RAB3GAP2: variants seen among roughly 807,000 people sequenced by gnomAD.
The protein encoded by RAB3GAP2 is RAB3 GTPase activating non-catalytic protein subunit 2.
RAB3GAP2 carries 87 observed loss-of-function variants against 185.3 expected under a neutral mutation model. The observed-to-expected ratio is 0.47, with a 90% CI of 0.39 to 0.56. RAB3GAP2 has a LOEUF of 0.56. RAB3GAP2 is among the 20% of genes least tolerant of loss of function. The pLI, the probability that RAB3GAP2 is intolerant of heterozygous loss-of-function variation, is 0.00. For missense variants in RAB3GAP2, 1,492 were observed against 1,638.2 expected, an observed-to-expected ratio of 0.91 and a Z score of 1.54; for synonymous variants, 554 against 576.1, an observed-to-expected ratio of 0.96 and a Z score of 0.55.
chr1:220,191,235 A>G lies in RAB3GAP2; in HGVS notation c.1320T>C (p.His440=). 1 of 1,613,580 alleles carries G rather than the reference A, an allele frequency of 6.2e-7. No homozygotes were observed. The highest frequency in any genetic ancestry group is 1.7e-5 in the Admixed American group (1 of 59,944). ...AATCTGCCTTTTCTGGCACTCTTTCATGGAGGTCCTCTACAGTTTGAATCC... is the reference window on the plus strand; with the variant it reads ...AATCTGCCTTTTCTGGCACTCTTTCGTGGAGGTCCTCTACAGTTTGAATCC... ...IGWIQTVEDL[H]ERVPEKADFS... The change falls in exon 14 of 35, where the codon CAT becomes CAC. Residue 440 remains histidine, a synonymous_variant. Coordinates refer to ENST00000358951, the MANE Select transcript of RAB3GAP2 (RefSeq NM_012414.4).
At chr1:220,263,784 T>C (rs569783579) in intron 1 of RAB3GAP2, among the ~76,000 whole-genome samples, 11 of 152,218 alleles carry the variant, frequency 7.2e-5, no homozygotes, top group African/African-American at 2.6e-4. Context: ...ATATCTCATT[T>C]TTCTTATGTA....
intron 1 of RAB3GAP2, among the ~76,000 whole-genome samples, chr1:220,248,861 C>T (rs936881055): frequency 6.6e-6 from 1 of 152,100 alleles, no homozygotes; most frequent in African/African-American, 2.4e-5. Context: ...GGGCTTTCCC[C>T]CACTTTGCTC....
chr1:220,200,535 A>G (rs929036357), intron 9 of RAB3GAP2: 10 of 525,496 alleles, frequency 1.9e-5, no homozygotes, highest in Admixed American at 1.8e-4. Context: ...CGTTTATTGT[A>G]CCTTTTTTCA....
intron 1 of RAB3GAP2, among the ~76,000 whole-genome samples, chr1:220,264,986 T>C (rs1490380517): frequency 6.6e-6 from 1 of 152,152 alleles, no homozygotes; most frequent in Non-Finnish European, 1.5e-5. Flanking sequence ...CAATAAATAC[T>C]ACCTGAATGA....
At chr1:220,159,530 A>G (rs751355966) in intron 28 of RAB3GAP2, 109 bp from the exon 29 acceptor site, 75 of 817,858 alleles carry the variant, frequency 9.2e-5, no homozygotes, top group Non-Finnish European at 1.5e-4. Flanking sequence ...AAATGGCGCT[A>G]TAAGTAAATG....
At chr1:220,167,732 G>A in intron 24 of RAB3GAP2, 57 bp from the exon 25 acceptor site, 2 of 1,503,336 alleles carry the variant, frequency 1.3e-6, no homozygotes, top group Non-Finnish European at 1.8e-6. Context: ...GGCAGTGTTT[G>A]CCAATGGGAG....
chr1:220,191,910 T>C (rs973826111), intron 13 of RAB3GAP2, among the ~76,000 whole-genome samples: 14 of 152,068 alleles, frequency 9.2e-5, no homozygotes, highest in African/African-American at 3.4e-4. Flanking sequence ...ACAAGCCTTT[T>C]GGTGACATGC....
chr1:220,151,060 C>T lies in RAB3GAP2; in HGVS notation c.*191G>A, dbSNP rs886861536. 2.3e-5 allele frequency: 13 copies of T among 566,810 alleles called. No individual in the cohort carries two copies. The highest frequency in any genetic ancestry group is 4.0e-5 in the Non-Finnish European group (13 of 325,712). 35.1% of individuals were successfully genotyped at this position (566,810 alleles called of 1,614,324 possible). A position where few individuals can be genotyped will look rare whatever the true frequency, so the allele number is the denominator to read the frequency against. Reference sequence around the variant, plus strand: ...TTGACATTTGTTTATATTTTATCTTCAGTATTAACCAAAGGAGTGGAATTT... The same window carrying T: ...TTGACATTTGTTTATATTTTATCTTTAGTATTAACCAAAGGAGTGGAATTT... On this transcript the variant is annotated 3_prime_UTR_variant, in exon 35 of 35. Coordinates refer to ENST00000358951, the MANE Select transcript of RAB3GAP2 (RefSeq NM_012414.4).
intron 2 of RAB3GAP2, among the ~76,000 whole-genome samples, chr1:220,217,959 A>G (rs959332587): frequency 1.3e-5 from 2 of 152,200 alleles, no homozygotes; most frequent in African/African-American, 4.8e-5. Context: ...AAGTGATCTC[A>G]GAAGCAAACA....
chr1:220,257,642 A>T (rs1660055779), intron 1 of RAB3GAP2, among the ~76,000 whole-genome samples: 1 of 152,174 alleles, frequency 6.6e-6, no homozygotes, highest in African/African-American at 2.4e-5. Context: ...TCGACTTAAC[A>T]ACCTAACATC....
intron 1 of RAB3GAP2, among the ~76,000 whole-genome samples, chr1:220,250,805 C>T (rs1350555553): frequency 6.6e-6 from 1 of 152,222 alleles, no homozygotes; most frequent in Non-Finnish European, 1.5e-5. Flanking sequence ...TCTCCCCCAA[C>T]TTTGCTCTCA....
At chr1:220,232,958 A>G in intron 1 of RAB3GAP2, 95 bp from the exon 2 acceptor site, 1 of 942,500 alleles carries the variant, frequency 1.1e-6, no homozygotes. Context: ...CAACCCCTGT[A>G]TAATGCTGAT....
At position 220,151,142 on chromosome 1, in the gene RAB3GAP2, A is replaced by C; in HGVS notation, c.*109T>G. The C allele has an allele frequency of 2.5e-6, 3 of 1,213,282 alleles. No homozygotes were observed. The highest frequency in any genetic ancestry group is 3.5e-6 in the Non-Finnish European group (3 of 861,014). 75.2% of individuals were successfully genotyped at this position (1,213,282 alleles called of 1,614,324 possible). A position where few individuals can be genotyped will look rare whatever the true frequency, so the allele number is the denominator to read the frequency against. The stretch of plus-strand genomic sequence containing the variant: ...TACTTTTATTTATTTTACAAAAGGA[A>C]AAAAAAAGACATACTTTTCCCATAA... On this transcript the variant is annotated 3_prime_UTR_variant, in exon 35 of 35. Transcript: ENST00000358951.
At chr1:220,196,493 T>G in intron 9 of RAB3GAP2, 95 bp from the exon 10 acceptor site, 1 of 1,244,214 alleles carries the variant, frequency 8.0e-7, no homozygotes, top group South Asian at 1.3e-5. Context: ...ATGTTTAGTT[T>G]TATTTAATAA....
chr1:220,157,587 T>A, intron 30 of RAB3GAP2, 99 bp from the exon 31 acceptor site: 1 of 1,228,336 alleles, frequency 8.1e-7, no homozygotes, highest in South Asian at 1.3e-5. Context: ...CAAATTCATA[T>A]TGCACACTGT....
intron 2 of RAB3GAP2, chr1:220,220,642 TAATTCCCAC>T (rs1424873113): frequency 6.6e-6 from 1 of 152,410 alleles, no homozygotes; most frequent in East Asian, 1.9e-4. Flanking sequence ...TTTTGAATTG[TAATTCCCAC>T]AATTCCCACG....
chr1:220,240,174 T>C (rs1162852768), intron 1 of RAB3GAP2, among the ~76,000 whole-genome samples: 1 of 152,188 alleles, frequency 6.6e-6, no homozygotes, highest in Non-Finnish European at 1.5e-5. Flanking sequence ...GTTACTTTCA[T>C]GCTACGATTC....
intron 25 of RAB3GAP2, 39 bp downstream of exon 25, chr1:220,167,463 C>T (rs1349718741): frequency 6.2e-7 from 1 of 1,613,562 alleles, no homozygotes; most frequent in Non-Finnish European, 8.5e-7. Flanking sequence ...CCACATCTTT[C>T]CAATTTGGAT....
intron 26 of RAB3GAP2, among the ~76,000 whole-genome samples, chr1:220,167,091 T>TATA (rs1658081513): frequency 6.6e-6 from 1 of 152,204 alleles, no homozygotes; most frequent in Non-Finnish European, 1.5e-5. Context: ...GTGGGGATAC[T>TATA]GACAGTATCT....
Sources: allele counts gnomAD v4.1 joint callset (sites outside exome capture counted in the v4.1 genomes callset), GRCh38; gene constraint gnomAD v4.1.1; transcripts MANE v1.5; gene names NCBI Gene and HGNC (gene_info 2026-07-23, HGNC 2026-07-21).